The following CAPN8 variants were observed in gnomAD, a reference collection of about 807,000 sequenced individuals.
The protein encoded by CAPN8 is calpain 8.
In CAPN8, 87 loss-of-function variants were observed where a neutral mutation model predicts 80.9. That is an observed-to-expected ratio of 1.07 (90% CI 0.90 to 1.28). The LOEUF (loss-of-function observed/expected upper bound fraction) is 1.28. Among genes scored for constraint, CAPN8 ranks in the 50% most tolerant of loss-of-function variants. The pLI, the probability that CAPN8 is intolerant of heterozygous loss-of-function variation, is 0.00. For missense variants in CAPN8, 757 were observed against 702.0 expected (o/e 1.08, Z -0.89); for synonymous variants, 299 against 273.8 (o/e 1.09, Z -0.91).
chr1:223,620,211 C>A lies in CAPN8; in HGVS notation c.955G>T (p.Val319Phe). 6.4e-7 allele frequency: 1 copy of A among 1,551,714 alleles called. No individual in the cohort carries two copies. Among genetic ancestry groups the A allele is most frequent in the Non-Finnish European group, 8.7e-7 (1 of 1,147,002 alleles). ...PRRKEELDKKVEDGEFWMSLS... is the reference protein window; with the variant it reads ...PRRKEELDKKFEDGEFWMSLS... ...TCTCACCAGAATTCTCCATCCTCAA[C>A]TTTCTTGTCCAGTTCTTCCTTCCGC... The change falls in exon 8 of 21, where the codon GTT (valine) becomes TTT (phenylalanine). Residue 319 changes from valine to phenylalanine, a missense_variant. Physicochemically the swap from Val to Phe is conservative, Grantham distance 50 (BLOSUM62 -1). Coordinates refer to ENST00000366872, the MANE Select transcript of CAPN8 (RefSeq NM_001143962.2).
intron 14 of CAPN8, among the ~76,000 whole-genome samples, chr1:223,551,299 C>A: frequency 6.6e-6 from 1 of 152,298 alleles, no homozygotes; most frequent in East Asian, 1.9e-4. Flanking sequence ...CGTGCCACCA[C>A]GCCTGGCTAA....
At chr1:223,632,957 C>A (rs1657814525) in intron 2 of CAPN8, among the ~76,000 whole-genome samples, 1 of 152,188 alleles carries the variant, frequency 6.6e-6, no homozygotes, top group Non-Finnish European at 1.5e-5. Flanking sequence ...TCTGGAAAGT[C>A]CACACTGTGC....
chr1:223,628,898 G>A lies in CAPN8; in HGVS notation c.308-118C>T, dbSNP rs375493457. 2.5e-3 allele frequency: 1,868 copies of A among 741,834 alleles called. 29 individuals carry two copies. Among genetic ancestry groups the A allele is most frequent in the South Asian group, 0.014 (756 of 53,640 alleles). The allele number at this position is 741,834 out of a possible 1,614,324, so 46.0% of individuals were successfully genotyped here. ...GTTGCCACATTCCCTTCTGAGTCAGGTAGAGTTTCCTCCTCCGGTGCTGGA... is the reference window on the plus strand; with the variant it reads ...GTTGCCACATTCCCTTCTGAGTCAGATAGAGTTTCCTCCTCCGGTGCTGGA... On this transcript the variant is annotated intron_variant, in intron 2 of 20. Coordinates refer to ENST00000366872, the MANE Select transcript of CAPN8 (RefSeq NM_001143962.2).
intron 10 of CAPN8, 23 bp from the exon 11 acceptor site, chr1:223,612,280 A>G (rs1657048083): frequency 8.1e-7 from 1 of 1,234,090 alleles, no homozygotes; most frequent in South Asian, 4.1e-5. Context: ...AGAAAAGAGC[A>G]GGTCACCTGA....
intron 1 of CAPN8, among the ~76,000 whole-genome samples, chr1:223,660,812 A>G (rs1164858325): frequency 1.3e-5 from 2 of 152,210 alleles, no homozygotes; most frequent in African/African-American, 2.4e-5. Flanking sequence ...CCAACACTGA[A>G]GAAGTACAAA....
At chr1:223,654,134 C>T (rs2105405) in intron 2 of CAPN8, among the ~76,000 whole-genome samples, 196 bp downstream of exon 2, 32,883 of 152,068 alleles carry the variant, frequency 0.22, 3,635 homozygotes, top group South Asian at 0.27. Context: ...GAGGTAGTTC[C>T]AGCATTTGGA....
intron 2 of CAPN8, among the ~76,000 whole-genome samples, chr1:223,645,253 T>C (rs1658157397): frequency 6.6e-6 from 1 of 152,158 alleles, no homozygotes; most frequent in African/African-American, 2.4e-5. Flanking sequence ...AGCCTGCTTT[T>C]ATCCTGGCCA....
chr1:223,619,175 C>G, intron 9 of CAPN8, 118 bp downstream of exon 9: 1 of 1,228,786 alleles, frequency 8.1e-7, no homozygotes, highest in Non-Finnish European at 1.1e-6. Context: ...ACCTGGGGAA[C>G]AGAGCAAGGC....
Position 223,616,051 on chromosome 1 carries a change from C to A in CAPN8, c.1230G>T (p.Leu410=). 6 of 1,552,306 alleles carry A rather than the reference C, an allele frequency of 3.9e-6. No homozygotes were observed. The highest frequency in any genetic ancestry group is 5.2e-6 in the Non-Finnish European group (6 of 1,147,128). ...ESIGEPCCTV[L]LGLMQKNRRW... is the part of the protein sequence containing the mutation. ...TGCGATTTTTCTGCATCAGGCCCAG[C>A]AGCACTGTACAGCAGGGTTCACCGA... Residue 410 remains leucine (L), a synonymous_variant, in exon 10 of 21, where the codon CTG becomes CTT. Coordinates refer to ENST00000366872, the MANE Select transcript of CAPN8 (RefSeq NM_001143962.2).
chr1:223,553,358 C>T (rs1656840743), intron 14 of CAPN8, among the ~76,000 whole-genome samples: 2 of 152,146 alleles, frequency 1.3e-5, no homozygotes, highest in South Asian at 2.1e-4. Context: ...GCTGGTCTCC[C>T]AGAGGGCGGG....
intron 19 of CAPN8, 81 bp from the exon 20 acceptor site, chr1:223,543,247 C>T (rs1656520612): frequency 2.0e-6 from 3 of 1,466,180 alleles, no homozygotes; most frequent in Non-Finnish European, 1.9e-6. Flanking sequence ...CTCTGTCTAC[C>T]CCATCCCCAC....
chr1:223,553,397 G>A (rs1656842108), intron 14 of CAPN8, among the ~76,000 whole-genome samples: 1 of 152,228 alleles, frequency 6.6e-6, no homozygotes, highest in Admixed American at 6.5e-5. Context: ...ACAGGGAACA[G>A]GGCTAGTCCT....
At chr1:223,628,633 C>T in intron 3 of CAPN8, 29 bp downstream of exon 3, 1 of 1,521,910 alleles carries the variant, frequency 6.6e-7, no homozygotes, top group Non-Finnish European at 8.9e-7. Context: ...CGGAAAACAG[C>T]AACAAAGGGC....
At chr1:223,650,855 T>C (rs548868133) in intron 2 of CAPN8, among the ~76,000 whole-genome samples, 1 of 152,202 alleles carries the variant, frequency 6.6e-6, no homozygotes. Flanking sequence ...CTATATTCAT[T>C]GGACAAAGTC....
At chr1:223,626,497 T>C (rs1240094859) in intron 5 of CAPN8, among the ~76,000 whole-genome samples, 3 of 152,126 alleles carry the variant, frequency 2.0e-5, no homozygotes, top group Admixed American at 2.0e-4. Context: ...GCTGGGGGCC[T>C]CCAGCCTCTG....
At position 223,625,704 on chromosome 1, in the gene CAPN8, G is replaced by A. The variant is rs148178476; in HGVS notation, c.813+101C>T. ...GCAGTGAAGCTCAAAAGCCAATTCCGAACCTTCTAGTAGTAATCACCTCTT... is the reference window on the plus strand; with the variant it reads ...GCAGTGAAGCTCAAAAGCCAATTCCAAACCTTCTAGTAGTAATCACCTCTT... On this transcript the variant is annotated intron_variant, in intron 6 of 20. Coordinates refer to ENST00000366872, the MANE Select transcript of CAPN8 (RefSeq NM_001143962.2). The A allele has an allele frequency of 7.9e-5, 85 of 1,075,600 alleles. 1 individual carries two copies. The highest frequency in any genetic ancestry group is 4.0e-4 in the Middle Eastern group (2 of 5,034). 66.6% of individuals were successfully genotyped at this position (1,075,600 alleles called of 1,614,324 possible).
intron 2 of CAPN8, among the ~76,000 whole-genome samples, chr1:223,634,786 C>T (rs1457461802): frequency 6.6e-6 from 1 of 152,206 alleles, no homozygotes; most frequent in Non-Finnish European, 1.5e-5. Flanking sequence ...CTAATCACCT[C>T]CCAAAGGCCC....
Position 223,550,910 on chromosome 1 carries a change from G to C in CAPN8, c.1699+50C>G, listed in dbSNP as rs763344061. ...TGCCTGCCTACCCATCCCTCACCCT[G>C]CCCCAGCATCTCCTACGGACTTTCT... On this transcript the variant is annotated intron_variant, in intron 15 of 20. Coordinates refer to ENST00000366872, the MANE Select transcript of CAPN8 (RefSeq NM_001143962.2). The C allele has an allele frequency of 1.7e-5, 12 of 711,662 alleles. No homozygotes were observed. The Middle Eastern group carries it at 6.9e-4, about 41-fold the overall frequency. The allele number at this position is 711,662 out of a possible 1,614,324, so 44.1% of individuals were successfully genotyped here. A position where few individuals can be genotyped will look rare whatever the true frequency, so the allele number is the denominator to read the frequency against.
intron 19 of CAPN8, among the ~76,000 whole-genome samples, chr1:223,543,591 A>G (rs1362567764): frequency 6.6e-6 from 1 of 152,070 alleles, no homozygotes; most frequent in Non-Finnish European, 1.5e-5. Context: ...GGAAGGAAAA[A>G]TCCCTTCCTA....
Sources: gnomAD v4.1 joint callset for allele counts (sites outside exome capture counted in the v4.1 genomes callset) on GRCh38, gnomAD v4.1.1 for gene constraint, MANE v1.5 for transcripts, NCBI Gene and HGNC (gene_info 2026-07-23, HGNC 2026-07-21) for gene names.